TBCD: variants seen among roughly 807,000 people sequenced by gnomAD.
The protein encoded by TBCD is tubulin-specific chaperone D.
In TBCD, 105 loss-of-function variants were observed where a neutral mutation model predicts 169.3. That is an observed-to-expected ratio of 0.62 (90% CI 0.53 to 0.73). The LOEUF (loss-of-function observed/expected upper bound fraction) is 0.73, where lower values mean the gene tolerates loss of function less well. Among genes scored for constraint, TBCD ranks in the 30% least tolerant of loss-of-function variants. The pLI is 0.00. For missense variants in TBCD, 1,444 were observed against 1,600.1 expected (o/e 0.90, Z 1.66); for synonymous variants, 700 against 643.9 (o/e 1.09, Z -1.32).
In TBCD at chr17:82,909,426, G is replaced by T. The variant is rs903774536; in HGVS notation, c.2006+119G>T. 5.5e-6 allele frequency: 4 copies of T among 722,874 alleles called. No homozygotes were observed. The East Asian group carries it at 8.4e-5, about 15-fold the overall frequency. The allele number at this position is 722,874 out of a possible 1,614,324, so 44.8% of individuals were successfully genotyped here. Reference sequence around the variant, plus strand: ...CTGCCTATGTGTGTTTGGGTTGAGCGGGTGGGTGTCACCCGGCCCGCTGTG... The same window carrying T: ...CTGCCTATGTGTGTTTGGGTTGAGCTGGTGGGTGTCACCCGGCCCGCTGTG... On this transcript the variant is annotated intron_variant, in intron 22 of 38. Coordinates refer to ENST00000355528, the MANE Select transcript of TBCD (RefSeq NM_005993.5).
intron 13 of TBCD, among the ~76,000 whole-genome samples, chr17:82,866,417 C>T (rs1335132340): frequency 1.3e-5 from 2 of 152,222 alleles, no homozygotes; most frequent in African/African-American, 4.8e-5. Flanking sequence ...TTACTTTGTG[C>T]AAATCAGATT....
Position 82,930,278 on chromosome 17 carries a change from C to T in TBCD, c.2992-244C>T, listed in dbSNP as rs371031361. 6.7e-5 allele frequency: 36 copies of T among 535,168 alleles called. No homozygotes were observed. Among genetic ancestry groups the T allele is most frequent in the Admixed American group, 1.4e-4 (4 of 29,074 alleles). The allele number at this position is 535,168 out of a possible 1,614,324, so 33.2% of individuals were successfully genotyped here. Reference sequence around the variant, plus strand: ...CGCAGCCTTTCGTCACGTGCTCTCCCGCATGTCCTAAGTGAGGGCTCAGGC... The same window carrying T: ...CGCAGCCTTTCGTCACGTGCTCTCCTGCATGTCCTAAGTGAGGGCTCAGGC... On this transcript the variant is annotated intron_variant, in intron 32 of 38. Transcript: ENST00000355528. The surrounding 1 kb of genome is among the most constrained non-coding windows in gnomAD (Gnocchi z 5.2).
intron 14 of TBCD, among the ~76,000 whole-genome samples, chr17:82,877,477 T>A (rs533246799): frequency 1.3e-5 from 2 of 152,228 alleles, no homozygotes; most frequent in East Asian, 3.9e-4. Flanking sequence ...GTAGCTGGGA[T>A]TACAGGTGCG....
At chr17:82,817,577 G>C (rs1039040937) in intron 13 of TBCD, among the ~76,000 whole-genome samples, 2 of 152,100 alleles carry the variant, frequency 1.3e-5, no homozygotes, top group Admixed American at 6.5e-5. Flanking sequence ...GATTATAGGC[G>C]TGAGCTACTG....
chr17:82,769,598 TG>T (rs2048199286), intron 5 of TBCD, among the ~76,000 whole-genome samples: 1 of 152,188 alleles, frequency 6.6e-6, no homozygotes, highest in African/African-American at 2.4e-5. Flanking sequence ...TACATTGGGC[TG>T]GGCATGGTGG....
At position 82,944,732 on chromosome 17, in the gene TBCD, C is replaced by T. The variant is rs1346463909; in HGVS notation, c.*2269C>T. 1.3e-5 allele frequency: 2 copies of T among 152,180 alleles called. No homozygotes were observed. Among genetic ancestry groups the T allele is most frequent in the Non-Finnish European group, 2.9e-5 (2 of 68,030 alleles). 9.4% of individuals were successfully genotyped at this position (152,180 alleles called of 1,614,324 possible). On this transcript the variant is annotated 3_prime_UTR_variant, in exon 39 of 39. Coordinates refer to ENST00000355528, the MANE Select transcript of TBCD (RefSeq NM_005993.5). ...CCACAAACACGTTCTAGGTGCTAAC[C>T]AGAAACCCTCCATGTGAGAGCAGAG...
intron 6 of TBCD, among the ~76,000 whole-genome samples, chr17:82,777,963 C>T (rs1009221689): frequency 5.3e-5 from 8 of 152,236 alleles, no homozygotes; most frequent in Non-Finnish European, 7.3e-5. Context: ...CTGGCGTTAC[C>T]GCTAGACCAA....
intron 3 of TBCD, among the ~76,000 whole-genome samples, 174 bp downstream of exon 3, chr17:82,764,236 C>T (rs1269383090): frequency 1.3e-5 from 2 of 152,190 alleles, no homozygotes; most frequent in African/African-American, 4.8e-5. Flanking sequence ...GATGTGGGCT[C>T]TTTGGCTGAA....
chr17:82,932,394 C>T (rs758673961), intron 33 of TBCD, among the ~76,000 whole-genome samples: 2 of 152,212 alleles, frequency 1.3e-5, no homozygotes, highest in African/African-American at 2.4e-5. Context: ...CTCCTGTGCC[C>T]GACGTGTTTG....
At chr17:82,805,545 G>A (rs980512718) in intron 9 of TBCD, among the ~76,000 whole-genome samples, 9 of 152,172 alleles carry the variant, frequency 5.9e-5, no homozygotes, top group Admixed American at 2.6e-4. Context: ...AGAGGGTCCC[G>A]AAGGCCGGGT....
chr17:82,778,135 A>T (rs561067153), intron 6 of TBCD, among the ~76,000 whole-genome samples: 5 of 152,362 alleles, frequency 3.3e-5, no homozygotes, highest in African/African-American at 9.6e-5. Flanking sequence ...ATAAAGAATA[A>T]TTGCTACCAA....
At chr17:82,780,867 C>T (rs1276034597) in intron 6 of TBCD, among the ~76,000 whole-genome samples, 2 of 151,884 alleles carry the variant, frequency 1.3e-5, no homozygotes, top group Non-Finnish European at 1.5e-5. Flanking sequence ...AGACTGGTCT[C>T]GAACTCCTGA....
chr17:82,768,466 G>C lies in TBCD; in HGVS notation c.482G>C (p.Cys161Ser). The change falls in exon 5 of 39, where the codon TGC (cysteine) becomes TCC (serine). Residue 161 changes from cysteine (C) to serine (S), a missense_variant. Physicochemically the swap from Cys to Ser is moderately radical, Grantham distance 112 (BLOSUM62 -1). Coordinates refer to ENST00000355528, the MANE Select transcript of TBCD (RefSeq NM_005993.5). ...YMLLLWLSVT[C>S]LIPFDFSRLD... ...CTTTTGCTCTGGCTCTCCGTGACCTGCCTGATCCCTTTTGATTTTTCTCGC... is the reference window on the plus strand; with the variant it reads ...CTTTTGCTCTGGCTCTCCGTGACCTCCCTGATCCCTTTTGATTTTTCTCGC... 6.2e-7 allele frequency: 1 copy of C among 1,613,952 alleles called. No individual in the cohort carries two copies. Among genetic ancestry groups the C allele is most frequent in the South Asian group, 1.1e-5 (1 of 91,074 alleles).
chr17:82,783,823 G>A (rs1035624452), intron 7 of TBCD, among the ~76,000 whole-genome samples: 2 of 152,156 alleles, frequency 1.3e-5, no homozygotes, highest in Non-Finnish European at 2.9e-5. Flanking sequence ...GCAAGTTTTT[G>A]TTTAAACTTA....
intron 28 of TBCD, chr17:82,926,981 C>CG: frequency 1.4e-6 from 1 of 691,386 alleles, no homozygotes; most frequent in South Asian, 2.0e-5. Flanking sequence ...ACCTTTCAAC[C>CG]GGAGAGACGG....
In TBCD at chr17:82,753,447, CT is replaced by C. The variant is rs59839519; in HGVS notation, c.184+1092del. ...GGTGTAACAGCCCAATGGCTTCTTC[CT>C]TTTTTTTTTTTTTTTTTTTTTGATA... On this transcript the variant is annotated intron_variant, in intron 1 of 38. Transcript: ENST00000355528. Among the ~76,000 whole-genome samples the C allele has an allele frequency of 1.8e-3, 185 of 104,280 alleles. 1 individual carries two copies. In the East Asian group the frequency reaches 0.032, roughly 18 times the overall value. The allele number at this position is 104,280 out of a possible 152,430, so 68.4% of individuals were successfully genotyped here.
chr17:82,844,206 C>CGTGTGTGTGTGTGTGT (rs769300875), intron 13 of TBCD, among the ~76,000 whole-genome samples: 35,031 of 127,268 alleles, frequency 0.28, 5,660 homozygotes, highest in Non-Finnish European at 0.33. Flanking sequence ...GGATGTTCTC[C>CGTGTGTGTGTGTGTGT]GTGTGTGTGT....
chr17:82,752,565 T>TTAGG (rs1191984604), intron 1 of TBCD, among the ~76,000 whole-genome samples, 188 bp downstream of exon 1: 1 of 151,648 alleles, frequency 6.6e-6, no homozygotes, highest in Non-Finnish European at 1.5e-5. Flanking sequence ...CGGCGCGGCG[T>TTAGG]TAGGTGCACG....
chr17:82,940,221 GCACACACACA>G (rs71168175), intron 37 of TBCD, among the ~76,000 whole-genome samples: 1 of 131,808 alleles, frequency 7.6e-6, no homozygotes, highest in East Asian at 2.3e-4. Flanking sequence ...TTGCACGCGC[GCACACACACA>G]CACACACACA....
Sources: gnomAD v4.1 joint callset for allele counts (sites outside exome capture counted in the v4.1 genomes callset) on GRCh38, gnomAD v4.1.1 for gene constraint, Gnocchi (gnomAD v3.1) non-coding constraint, MANE v1.5 for transcripts, NCBI Gene and HGNC (gene_info 2026-07-23, HGNC 2026-07-21) for gene names.